Variants in SEC23A observed in about 807,000 individuals in gnomAD.
SEC23A encodes the protein protein transport protein Sec23A.
Under a neutral mutation model 103.7 loss-of-function variants are expected in SEC23A, and 56 were observed. The ratio of observed to expected loss-of-function variants is 0.54; its 90% CI spans 0.44 to 0.67. The LOEUF is 0.67. Ranked by LOEUF, SEC23A falls within the 30% of genes least tolerant of loss-of-function variation. The probability of loss-of-function intolerance (pLI) is 0.00; values close to 1 mark genes in which losing one functional copy is unlikely to be tolerated. For missense variants in SEC23A, 784 were observed against 936.4 expected (o/e 0.84, Z 2.12); for synonymous variants, 281 against 293.0 (o/e 0.96, Z 0.42).
rs150047268 is a variant in SEC23A, at chr14:39,041,815, G to A, written c.1987-928C>T. ...ACCCGGGAGGCAGAGGCTGCAGTGAGCCAAGATAGCGCCACTGCACTCCAG... is the reference window on the plus strand; with the variant it reads ...ACCCGGGAGGCAGAGGCTGCAGTGAACCAAGATAGCGCCACTGCACTCCAG... On this transcript the variant is annotated intron_variant, in intron 17 of 19. Coordinates refer to ENST00000307712, the MANE Select transcript of SEC23A (RefSeq NM_006364.4). Among the ~76,000 whole-genome samples, 1,143 of 145,622 alleles carry A rather than the reference G, an allele frequency of 7.8e-3. 15 individuals are homozygous for A. The highest frequency in any genetic ancestry group is 0.027 in the African/African-American group (1,085 of 39,708).
rs761833085 is a variant in SEC23A at position 39,091,667 on chromosome 14, C to G, written c.413G>C (p.Cys138Ser). The change falls in exon 5 of 20, where the codon TGC (cysteine) becomes TCC (serine). Residue 138 changes from cysteine (C) to serine (S), a missense_variant. Around this residue, in one of 2 missense-constraint regions of SEC23A, gnomAD observed 683 missense variants for 774.2 expected, o/e 0.88. Coordinates refer to ENST00000307712, the MANE Select transcript of SEC23A (RefSeq NM_006364.4). ...GGCTTGTAAATCTTCATCTTCCATG[C>G]AAGTATCAACCACATAGAGGAATAT... ...PLIFLYVVDT[C>S]MEDEDLQALK... 3.7e-6 allele frequency: 6 copies of G among 1,613,974 alleles called. No individual in the cohort carries two copies. Among genetic ancestry groups the G allele is most frequent in the African/African-American group, 1.3e-5 (1 of 75,010 alleles).
At chr14:39,067,126 A>G (rs1166438492) in intron 10 of SEC23A, 47 bp downstream of exon 10, 4 of 1,606,882 alleles carry the variant, frequency 2.5e-6, no homozygotes, top group East Asian at 2.2e-5. Flanking sequence ...CAAGCCTATA[A>G]GTTGTCTTTT....
At chr14:39,091,455 A>C in intron 5 of SEC23A, 22 bp downstream of exon 5, 4 of 1,569,716 alleles carry the variant, frequency 2.5e-6, no homozygotes, top group Non-Finnish European at 3.5e-6. Flanking sequence ...GATAGGTAAA[A>C]ACTACCATTC....
chr14:39,091,188 T>C (rs1887649612), intron 5 of SEC23A: 3 of 461,724 alleles, frequency 6.5e-6, no homozygotes, highest in East Asian at 4.5e-5. Context: ...TGCTCTCTCT[T>C]AGCCTTCAGC....
At chr14:39,074,833 C>A (rs999964703) in intron 8 of SEC23A, among the ~76,000 whole-genome samples, 5 of 152,118 alleles carry the variant, frequency 3.3e-5, no homozygotes, top group African/African-American at 1.2e-4. Context: ...ACAGGCTGGG[C>A]GTGGTGGCTC....
In SEC23A at chr14:39,095,195, G is replaced by C. The variant is rs1050943294; in HGVS notation, c.221+703C>G. 1.2e-4 allele frequency among the ~76,000 whole-genome samples: 18 copies of C among 152,302 alleles called. No homozygotes were observed. The East Asian group carries it at 1.5e-3, about 13-fold the overall frequency. Reference sequence around the variant, plus strand: ...CCCAGATTTGCTAGTGGATTGGCTGGGGGGAGAGGGAATGGAAAGAGAAGT... The same window carrying C: ...CCCAGATTTGCTAGTGGATTGGCTGCGGGGAGAGGGAATGGAAAGAGAAGT... On this transcript the variant is annotated intron_variant, in intron 2 of 19. Transcript: ENST00000307712.
At chr14:39,095,811 C>CA (rs776386605) in intron 2 of SEC23A, 87 bp downstream of exon 2, 27 of 1,100,970 alleles carry the variant, frequency 2.5e-5, no homozygotes, top group Non-Finnish European at 3.5e-5. Flanking sequence ...TGAACAAAAA[C>CA]AAAGGGATTT....
intron 15 of SEC23A, among the ~76,000 whole-genome samples, chr14:39,048,302 G>A (rs1453561073): frequency 1.3e-5 from 2 of 152,168 alleles, no homozygotes; most frequent in African/African-American, 4.8e-5. Context: ...AAGGAAAAAT[G>A]AGGCTCAATG....
chr14:39,080,252 C>T (rs1002441306), intron 7 of SEC23A, among the ~76,000 whole-genome samples: 1 of 151,930 alleles, frequency 6.6e-6, no homozygotes, highest in African/African-American at 2.4e-5. Context: ...GGGAAACAAA[C>T]AGCAGGCCTA....
intron 8 of SEC23A, among the ~76,000 whole-genome samples, chr14:39,075,601 G>A (rs746248934): frequency 6.6e-5 from 10 of 152,040 alleles, no homozygotes; most frequent in Non-Finnish European, 1.5e-4. Context: ...ACTGCCTCTT[G>A]GAAATGAAAA....
chr14:39,071,288 G>A (rs899236674), intron 9 of SEC23A, among the ~76,000 whole-genome samples: 7 of 152,130 alleles, frequency 4.6e-5, no homozygotes, highest in African/African-American at 1.4e-4. Context: ...GTTGCAGGGG[G>A]TAAAATCAAC....
intron 7 of SEC23A, among the ~76,000 whole-genome samples, chr14:39,078,854 A>G (rs1465765206): frequency 6.6e-6 from 1 of 152,156 alleles, no homozygotes; most frequent in Non-Finnish European, 1.5e-5. Context: ...GAGGTCCAGC[A>G]TCAATGTAAC....
At chr14:39,066,185 A>G (rs1886661556) in intron 10 of SEC23A, among the ~76,000 whole-genome samples, 1 of 152,074 alleles carries the variant, frequency 6.6e-6, no homozygotes, top group South Asian at 2.1e-4. Context: ...TATCAAGAGA[A>G]TGCTAAGTTT....
intron 7 of SEC23A, among the ~76,000 whole-genome samples, chr14:39,077,495 T>C (rs1172280502): frequency 1.3e-5 from 2 of 151,384 alleles, no homozygotes; most frequent in Non-Finnish European, 2.9e-5. Context: ...TGAGCCGAGA[T>C]TGTGCCACTG....
chr14:39,056,000 G>A (rs1015353711), intron 13 of SEC23A, among the ~76,000 whole-genome samples: 1 of 152,240 alleles, frequency 6.6e-6, no homozygotes, highest in Admixed American at 6.5e-5. Flanking sequence ...AGGCTCTCTT[G>A]AGCAAAGCTA....
At chr14:39,048,501 C>T in intron 15 of SEC23A, 151 bp downstream of exon 15, 1 of 608,518 alleles carries the variant, frequency 1.6e-6, no homozygotes, top group Non-Finnish European at 2.9e-6. Context: ...GTAGTCCTAA[C>T]TACTCAGGAG....
rs771687416 is a variant in SEC23A, at chr14:39,095,946, G to A, written c.173C>T (p.Pro58Leu). 6.2e-7 allele frequency: 1 copy of A among 1,614,160 alleles called. No homozygotes were observed. Among genetic ancestry groups the A allele is most frequent in the South Asian group, 1.1e-5 (1 of 91,078 alleles). ...GCAAGTGGTCCTACTACACAGAACA[G>A]GTTCATATTGAATAGGTGGTAAGTC... Reference protein sequence around the residue: ...RPDLPPIQYEPVLCSRTTCRA... With the variant: ...RPDLPPIQYELVLCSRTTCRA... The change falls in exon 2 of 20, where the codon CCT becomes CTT. Residue 58 changes from proline to leucine, a missense_variant. Pro to Leu is a moderately conservative substitution (Grantham distance 98). Transcript: ENST00000307712.
At chr14:39,055,731 A>T (rs1212715912) in intron 13 of SEC23A, among the ~76,000 whole-genome samples, 1 of 152,228 alleles carries the variant, frequency 6.6e-6, no homozygotes, top group African/African-American at 2.4e-5. Context: ...ACATTATCCA[A>T]GAAGCCAGGG....
chr14:39,089,785 C>T (rs1471174664), intron 5 of SEC23A, among the ~76,000 whole-genome samples: 2 of 152,142 alleles, frequency 1.3e-5, no homozygotes, highest in African/African-American at 2.4e-5. Flanking sequence ...AGTGAAACCA[C>T]GTCTCTACAA....
Sources: allele counts gnomAD v4.1 joint callset (sites outside exome capture counted in the v4.1 genomes callset), GRCh38; gene constraint gnomAD v4.1.1; regional missense constraint gnomAD v4.1.1; transcripts MANE v1.5; gene names NCBI Gene and HGNC (gene_info 2026-07-23, HGNC 2026-07-21).